The following TRPC7 variants were observed in gnomAD, a reference collection of about 807,000 sequenced individuals.
TRPC7 encodes the protein short transient receptor potential channel 7.
A neutral mutation model predicts 90.1 loss-of-function variants in TRPC7; 42 were observed. That is an observed-to-expected ratio of 0.47 (90% confidence interval 0.36 to 0.60). The LOEUF is 0.60. TRPC7 is among the 20% of genes least tolerant of loss of function. TRPC7 has a pLI of 0.00. For missense variants in TRPC7, 955 were observed against 1,112.3 expected (o/e 0.86, Z 2.01); for synonymous variants, 451 against 436.3 (o/e 1.03, Z -0.42).
chr5:136,301,360 T>TTTTTTTA (rs1561709111), intron 3 of TRPC7, among the ~76,000 whole-genome samples: 1 of 70,084 alleles, frequency 1.4e-5, no homozygotes, highest in African/African-American at 5.2e-5. Context: ...TTTTTTTTTT[T>TTTTTTTA]AACAAATCAT....
At chr5:136,319,926 C>A (rs929535029) in intron 2 of TRPC7, among the ~76,000 whole-genome samples, 1 of 152,138 alleles carries the variant, frequency 6.6e-6, no homozygotes, top group East Asian at 1.9e-4. Context: ...CTTCTTTTAT[C>A]CATTTACACT....
intron 3 of TRPC7, among the ~76,000 whole-genome samples, chr5:136,290,748 C>A (rs1325826761): frequency 6.6e-6 from 1 of 152,202 alleles, no homozygotes; most frequent in African/African-American, 2.4e-5. Flanking sequence ...CTTCCCCCAT[C>A]TAGCAAGGCA....
chr5:136,337,376 T>A (rs985303509), intron 2 of TRPC7, among the ~76,000 whole-genome samples: 3 of 152,198 alleles, frequency 2.0e-5, no homozygotes, highest in African/African-American at 7.2e-5. Flanking sequence ...TGTTAAAATA[T>A]CTGTTTTAGG....
chr5:136,227,028 T>C (rs1755651638), intron 8 of TRPC7, among the ~76,000 whole-genome samples: 1 of 152,206 alleles, frequency 6.6e-6, no homozygotes, highest in Non-Finnish European at 1.5e-5. Flanking sequence ...GTCAGAGTGC[T>C]GCCAGGGAGG....
intron 10 of TRPC7, among the ~76,000 whole-genome samples, chr5:136,224,414 G>A (rs921238945): frequency 5.9e-5 from 9 of 152,188 alleles, no homozygotes; most frequent in Non-Finnish European, 8.8e-5. Context: ...TTGGCAGGCT[G>A]GCAGTCCAAG....
At chr5:136,299,846 G>T (rs1377886975) in intron 3 of TRPC7, among the ~76,000 whole-genome samples, 1 of 152,122 alleles carries the variant, frequency 6.6e-6, no homozygotes, top group Non-Finnish European at 1.5e-5. Context: ...CATCTGATTT[G>T]TATCTATTTC....
At chr5:136,259,288 T>C (rs1756779226) in intron 5 of TRPC7, among the ~76,000 whole-genome samples, 1 of 152,224 alleles carries the variant, frequency 6.6e-6, no homozygotes, top group Admixed American at 6.5e-5. Context: ...TGTTGTCCAC[T>C]GTGCTGTCTC....
At chr5:136,286,529 G>A (rs1025942712) in intron 3 of TRPC7, among the ~76,000 whole-genome samples, 1 of 152,090 alleles carries the variant, frequency 6.6e-6, no homozygotes, top group Non-Finnish European at 1.5e-5. Flanking sequence ...GAGCATTGAG[G>A]TGCCTGCCAT....
intron 11 of TRPC7, among the ~76,000 whole-genome samples, chr5:136,215,720 G>A (rs577550139): frequency 2.6e-5 from 4 of 152,154 alleles, no homozygotes; most frequent in Non-Finnish European, 4.4e-5. Context: ...CTACTCAGGA[G>A]GCTGAGGCAG....
rs1372082095 is a variant in TRPC7 at position 136,247,359 on chromosome 5, T to G, written c.1844+112A>C. On this transcript the variant is annotated intron_variant, in intron 7 of 11. Coordinates refer to ENST00000513104, the MANE Select transcript of TRPC7 (RefSeq NM_020389.3). The surrounding 1 kb of genome is among the most constrained non-coding windows in gnomAD (Gnocchi z 4.2). Reference sequence around the variant, plus strand: ...CCCTTGAATAAAGTTGCCTTTAACCTTGAGAGATAGCAAGGAAACAGCAGT... The same window carrying G: ...CCCTTGAATAAAGTTGCCTTTAACCGTGAGAGATAGCAAGGAAACAGCAGT... 2.4e-6 allele frequency: 3 copies of G among 1,247,216 alleles called. No individual in the cohort carries two copies. Among genetic ancestry groups the G allele is most frequent in the Admixed American group, 5.5e-5 (2 of 36,512 alleles). 77.3% of individuals were successfully genotyped at this position (1,247,216 alleles called of 1,614,324 possible).
intron 4 of TRPC7, among the ~76,000 whole-genome samples, chr5:136,270,985 G>GTCTCAA (rs1240500485): frequency 6.6e-6 from 1 of 152,170 alleles, no homozygotes; most frequent in Non-Finnish European, 1.5e-5. Context: ...AGAAAAAGAG[G>GTCTCAA]TCTCTGGAGG....
At chr5:136,354,777 T>C (rs1489237997) in intron 2 of TRPC7, among the ~76,000 whole-genome samples, 3 of 152,244 alleles carry the variant, frequency 2.0e-5, no homozygotes, top group East Asian at 1.9e-4. Flanking sequence ...GCTTTCCTCC[T>C]GAATGGCCTA....
chr5:136,315,484 G>T, intron 3 of TRPC7, 113 bp downstream of exon 3: 3 of 1,127,028 alleles, frequency 2.7e-6, no homozygotes, highest in Non-Finnish European at 3.8e-6. Flanking sequence ...GAGAATCTGG[G>T]TGTCATCATG....
intron 2 of TRPC7, among the ~76,000 whole-genome samples, chr5:136,328,579 G>C (rs1408455966): frequency 1.3e-5 from 2 of 152,202 alleles, no homozygotes; most frequent in Non-Finnish European, 2.9e-5. Flanking sequence ...GTATGATTTT[G>C]AGTGTATAAC....
At chr5:136,355,192 C>G (rs182383707) in intron 2 of TRPC7, among the ~76,000 whole-genome samples, 1 of 152,282 alleles carries the variant, frequency 6.6e-6, no homozygotes, top group East Asian at 1.9e-4. Flanking sequence ...TCCTACTCTT[C>G]CAGCTATACC....
chr5:136,267,459 C>T (rs557798090), intron 4 of TRPC7, among the ~76,000 whole-genome samples: 31 of 152,336 alleles, frequency 2.0e-4, no homozygotes, highest in South Asian at 6.2e-4. Flanking sequence ...TAACCAGTGA[C>T]TGATTACTTG....
chr5:136,357,162 A>G lies in TRPC7; in HGVS notation c.226T>C (p.Tyr76His). The change falls in exon 2 of 12, where the codon TAC becomes CAC. Residue 76 changes from tyrosine (Y) to histidine (H), a missense_variant. By Grantham distance (83) the Tyr-to-His change is moderately conservative. Coordinates refer to ENST00000513104, the MANE Select transcript of TRPC7 (RefSeq NM_020389.3). Reference sequence around the variant, plus strand: ...AGCTGCAGAGCGTTCTGCCCCATGTAGTCCACACAGTTGAAGTTAAGGGTC... The same window carrying G: ...AGCTGCAGAGCGTTCTGCCCCATGTGGTCCACACAGTTGAAGTTAAGGGTC... ...SKTLNFNCVD[Y>H]MGQNALQLAV... The G allele has an allele frequency of 1.2e-6, 2 of 1,613,972 alleles. No individual in the cohort carries two copies. The highest frequency in any genetic ancestry group is 8.5e-7 in the Non-Finnish European group (1 of 1,179,966).
intron 10 of TRPC7, among the ~76,000 whole-genome samples, chr5:136,223,820 T>A (rs1307880061): frequency 1.3e-5 from 2 of 152,176 alleles, no homozygotes; most frequent in African/African-American, 4.8e-5. Context: ...TCTATACTTC[T>A]CTCTGAAAAG....
chr5:136,305,034 C>T lies in TRPC7; in HGVS notation c.963+10563G>A, dbSNP rs181858570. On this transcript the variant is annotated intron_variant, in intron 3 of 11. Coordinates refer to ENST00000513104, the MANE Select transcript of TRPC7 (RefSeq NM_020389.3). ...TGCTCAACTCACTCTCTACATTTCT[C>T]ATAACTTCCAAAATCTGTTTTCTTC... 2.2e-3 allele frequency among the ~76,000 whole-genome samples: 330 copies of T among 152,302 alleles called. 2 individuals carry two copies. The East Asian group carries it at 0.031, about 14-fold the overall frequency.
Sources: gnomAD v4.1 joint callset for allele counts (sites outside exome capture counted in the v4.1 genomes callset) on GRCh38, gnomAD v4.1.1 for gene constraint, Gnocchi (gnomAD v3.1) non-coding constraint, MANE v1.5 for transcripts, NCBI Gene and HGNC (gene_info 2026-07-23, HGNC 2026-07-21) for gene names.